Variants in KCNK12 observed in about 807,000 individuals in gnomAD.
The protein encoded by KCNK12 is potassium channel subfamily K member 12.
In KCNK12, 6 loss-of-function variants were observed where a neutral mutation model predicts 25.3. That is an observed-to-expected ratio of 0.24 (90% CI 0.13 to 0.47). The LOEUF (loss-of-function observed/expected upper bound fraction) is 0.47, where lower values mean the gene tolerates loss of function less well. KCNK12 is among the 20% of genes least tolerant of loss of function. The pLI is 0.99. For synonymous variants in KCNK12, 331 were observed against 311.1 expected (o/e 1.06, Z -0.67); for missense variants, 444 against 661.7 (o/e 0.67, Z 3.61).
intron 1 of KCNK12, among the ~76,000 whole-genome samples, chr2:47,523,510 T>C (rs2104733295): frequency 6.6e-6 from 1 of 152,376 alleles, no homozygotes; most frequent in African/African-American, 2.4e-5. Context: ...ACTTACCACT[T>C]GTTCAAAGCA....
Position 47,510,115 on chromosome 2 carries a change from T to C in KCNK12, c.*10792A>G, listed in dbSNP as rs1182336745. On this transcript the variant is annotated 3_prime_UTR_variant, in exon 2 of 2. Coordinates refer to ENST00000327876, the MANE Select transcript of KCNK12 (RefSeq NM_022055.2). ...CTAGGGAGGTCTAGGAAAAGTCCTGTTGGGAGAGAGCATTTTTTACCTTCT... is the reference window on the plus strand; with the variant it reads ...CTAGGGAGGTCTAGGAAAAGTCCTGCTGGGAGAGAGCATTTTTTACCTTCT... 6.6e-6 allele frequency: 1 copy of C among 152,210 alleles called. No individual in the cohort carries two copies. The highest frequency in any genetic ancestry group is 1.5e-5 in the Non-Finnish European group (1 of 68,038). 9.4% of individuals were successfully genotyped at this position (152,210 alleles called of 1,614,324 possible).
chr2:47,546,374 T>C (rs1260902309), intron 1 of KCNK12, among the ~76,000 whole-genome samples: 2 of 152,272 alleles, frequency 1.3e-5, no homozygotes, highest in Non-Finnish European at 2.9e-5. Context: ...TAACGGATAC[T>C]GAAAGTACAT....
In KCNK12 at chr2:47,533,254, GCC is replaced by G. The variant is rs1241099791; in HGVS notation, c.392-11448_392-11447del. Among the ~76,000 whole-genome samples, 2 of 151,678 alleles carry G rather than the reference GCC, an allele frequency of 1.3e-5. No homozygotes were observed. Among genetic ancestry groups the G allele is most frequent in the Non-Finnish European group, 2.9e-5 (2 of 67,964 alleles). On this transcript the variant is annotated intron_variant, in intron 1 of 1. Transcript: ENST00000327876. The surrounding 1 kb of genome is among the most constrained non-coding windows in gnomAD (Gnocchi z 4.7). Reference sequence around the variant, plus strand: ...TCCAACTCCTGACCTCAGGTGATCTGCCCACCTTGGCCTCCCAAAGTGCTGGG... The same window carrying G: ...TCCAACTCCTGACCTCAGGTGATCTGCACCTTGGCCTCCCAAAGTGCTGGG...
At chr2:47,530,331 G>A (rs1334030474) in intron 1 of KCNK12, among the ~76,000 whole-genome samples, 2 of 152,154 alleles carry the variant, frequency 1.3e-5, no homozygotes, top group Admixed American at 6.5e-5. Flanking sequence ...ACTTGAGAGG[G>A]CACTGGGCCA....
chr2:47,552,418 A>C (rs1391760483), intron 1 of KCNK12, among the ~76,000 whole-genome samples: 3 of 152,052 alleles, frequency 2.0e-5, no homozygotes, highest in East Asian at 1.9e-4. Context: ...AGCATCTTCA[A>C]CTGCCTTCCC....
intron 1 of KCNK12, among the ~76,000 whole-genome samples, chr2:47,523,739 G>A (rs949924727): frequency 1.3e-5 from 2 of 152,162 alleles, no homozygotes; most frequent in Non-Finnish European, 2.9e-5. Context: ...CTTACTGCTT[G>A]GAGTCTGAGC....
chr2:47,547,762 G>A lies in KCNK12; in HGVS notation c.391+22179C>T, dbSNP rs975670513. On this transcript the variant is annotated intron_variant, in intron 1 of 1. Transcript: ENST00000327876. The surrounding 1 kb of genome is among the most constrained non-coding windows in gnomAD (Gnocchi z 5.0). ...AGAGGCATCTGCCACCATACTTGGCGAATTTTTATATTTTTAGTAGAGAGG... is the reference window on the plus strand; with the variant it reads ...AGAGGCATCTGCCACCATACTTGGCAAATTTTTATATTTTTAGTAGAGAGG... Among the ~76,000 whole-genome samples the A allele has an allele frequency of 2.0e-5, 3 of 152,042 alleles. No individual in the cohort carries two copies. The highest frequency in any genetic ancestry group is 4.8e-5 in the African/African-American group (2 of 41,394).
intron 1 of KCNK12, chr2:47,543,367 C>A (rs1257650269): frequency 6.6e-6 from 1 of 151,588 alleles, no homozygotes; most frequent in Non-Finnish European, 1.5e-5. Context: ...GGTTTATTTA[C>A]ATTTCTTCAC....
At chr2:47,542,973 G>A (rs1271575277) in intron 1 of KCNK12, among the ~76,000 whole-genome samples, 1 of 152,164 alleles carries the variant, frequency 6.6e-6, no homozygotes, top group East Asian at 1.9e-4. Context: ...AGCCTGGAGT[G>A]CAGTGGCTAC....
At chr2:47,526,483 A>T (rs1668780332) in intron 1 of KCNK12, among the ~76,000 whole-genome samples, 1 of 151,884 alleles carries the variant, frequency 6.6e-6, no homozygotes, top group South Asian at 2.1e-4. Flanking sequence ...TGTAATCCCC[A>T]GCACTTTGGG....
At chr2:47,541,978 T>TAGCAGC (rs908359477) in intron 1 of KCNK12, among the ~76,000 whole-genome samples, 5 of 152,104 alleles carry the variant, frequency 3.3e-5, no homozygotes, top group Non-Finnish European at 4.4e-5. Context: ...CTGTTTTCTG[T>TAGCAGC]AGCAGCAGCA....
intron 1 of KCNK12, among the ~76,000 whole-genome samples, chr2:47,559,070 C>A (rs183418727): frequency 2.8e-4 from 43 of 152,310 alleles, no homozygotes; most frequent in African/African-American, 1.0e-3. Context: ...CAGAAGCCCC[C>A]CTAGTTCAGA....
At position 47,565,008 on chromosome 2, in the gene KCNK12, A is replaced by G. The variant is rs1669762536; in HGVS notation, c.391+4933T>C. 1 of 151,980 alleles carries G rather than the reference A, an allele frequency of 6.6e-6. No individual in the cohort carries two copies. The highest frequency in any genetic ancestry group is 1.5e-5 in the Non-Finnish European group (1 of 68,004). The allele number at this position is 151,980 out of a possible 1,614,324, so 9.4% of individuals were successfully genotyped here. ...TGTAGCGAGGCCCTGTCTCTTAAAA[A>G]AAAAAAAAAGTAGCCAGGTGTGGTG... On this transcript the variant is annotated intron_variant, in intron 1 of 1. Transcript: ENST00000327876. This position sits in a 1 kb window ranked among gnomAD's most constrained non-coding sequence, Gnocchi z 5.0.
rs1039446298 is a variant in KCNK12, at chr2:47,509,453, G to A, written c.*11454C>T. Reference sequence around the variant, plus strand: ...CCCATAGCAGGAAACCACAGTCTCTGATGTCAGCTGGCTGCCAACACGTCA... The same window carrying A: ...CCCATAGCAGGAAACCACAGTCTCTAATGTCAGCTGGCTGCCAACACGTCA... On this transcript the variant is annotated 3_prime_UTR_variant, in exon 2 of 2. Transcript: ENST00000327876. Among the ~76,000 whole-genome samples, 1 of 152,242 alleles carries A rather than the reference G, an allele frequency of 6.6e-6. No individual in the cohort carries two copies. The highest frequency in any genetic ancestry group is 1.5e-5 in the Non-Finnish European group (1 of 68,042).
rs939836477 is a variant in KCNK12 at position 47,561,365 on chromosome 2, T to G, written c.391+8576A>C. Among the ~76,000 whole-genome samples the G allele has an allele frequency of 2.0e-5, 3 of 152,176 alleles. No homozygotes were observed. In the East Asian group the frequency reaches 5.8e-4, roughly 29 times the overall value. The stretch of plus-strand genomic sequence containing the variant: ...GCGCCTATGAGGGATGATTAAGATA[T>G]TCTAGTTGAGGACCCAAAGAAAATG... On this transcript the variant is annotated intron_variant, in intron 1 of 1. Transcript: ENST00000327876.
chr2:47,559,766 A>G (rs1186385910), intron 1 of KCNK12, among the ~76,000 whole-genome samples: 2 of 152,180 alleles, frequency 1.3e-5, no homozygotes, highest in Admixed American at 1.3e-4. Flanking sequence ...ATAGAAACAA[A>G]TGATTGGCAC....
chr2:47,524,675 C>T (rs1171675430), intron 1 of KCNK12, among the ~76,000 whole-genome samples: 1 of 152,098 alleles, frequency 6.6e-6, no homozygotes, highest in Admixed American at 6.6e-5. Flanking sequence ...TTTTTGTTGA[C>T]CTGGGTGGTA....
rs1398333984 is a variant in KCNK12, at chr2:47,510,595, A to G, written c.*10312T>C. ...ACACCCCTACACTCTCACCGCACGTATTTGGTCAGCTATGAATATGACCAA... is the reference window on the plus strand; with the variant it reads ...ACACCCCTACACTCTCACCGCACGTGTTTGGTCAGCTATGAATATGACCAA... On this transcript the variant is annotated 3_prime_UTR_variant, in exon 2 of 2. Transcript: ENST00000327876. Among the ~76,000 whole-genome samples the G allele has an allele frequency of 1.3e-5, 2 of 152,178 alleles. No individual in the cohort carries two copies. The highest frequency in any genetic ancestry group is 2.4e-5 in the African/African-American group (1 of 41,448).
chr2:47,537,993 T>G (rs997980592), intron 1 of KCNK12, among the ~76,000 whole-genome samples: 2 of 152,196 alleles, frequency 1.3e-5, no homozygotes, highest in Non-Finnish European at 2.9e-5. Flanking sequence ...AGGTGTCATG[T>G]GGATAAGACT....
Sources: allele counts gnomAD v4.1 joint callset (sites outside exome capture counted in the v4.1 genomes callset), GRCh38; gene constraint gnomAD v4.1.1; non-coding constraint Gnocchi (gnomAD v3.1); transcripts MANE v1.5; gene names NCBI Gene and HGNC (gene_info 2026-07-23, HGNC 2026-07-21).